Variants in CUZD1 observed in about 807,000 individuals in gnomAD.
CUZD1 encodes the protein CUB and zona pellucida like domains 1, also known as CUB and zona pellucida-like domain-containing protein 1.
Under a neutral mutation model 53.1 loss-of-function variants are expected in CUZD1, and 42 were observed. The ratio of observed to expected loss-of-function variants is 0.79; its 90% confidence interval spans 0.62 to 1.02. The LOEUF (loss-of-function observed/expected upper bound fraction) is 1.02. Ranked by LOEUF, CUZD1 falls within the 50% of genes least tolerant of loss-of-function variation. The pLI, the probability that CUZD1 is intolerant of heterozygous loss-of-function variation, is 0.00. For missense variants in CUZD1, 670 were observed against 715.7 expected (o/e 0.94, Z 0.73); for synonymous variants, 238 against 257.2 (o/e 0.93, Z 0.71).
chr10:122,843,471 A>G (rs1847376440), intron 1 of CUZD1, among the ~76,000 whole-genome samples: 1 of 152,216 alleles, frequency 6.6e-6, no homozygotes, highest in African/African-American at 2.4e-5. Context: ...TATATTATTT[A>G]GGAAATAACA....
chr10:122,843,163 T>C (rs1847370302), intron 1 of CUZD1, among the ~76,000 whole-genome samples: 1 of 152,234 alleles, frequency 6.6e-6, no homozygotes, highest in African/African-American at 2.4e-5. Flanking sequence ...GTATACTATA[T>C]TCATCGCAAC....
intron 3 of CUZD1, among the ~76,000 whole-genome samples, chr10:122,838,714 T>C (rs1370322201): frequency 6.6e-6 from 1 of 152,140 alleles, no homozygotes; most frequent in African/African-American, 2.4e-5. Context: ...TACCCCTCAA[T>C]ATGTAGCCAT....
rs992572658 is a variant in CUZD1, at chr10:122,834,878, A to G, written c.1210T>C (p.Ser404Pro). The change falls in exon 7 of 9, where the codon TCA becomes CCA. Residue 404 changes from serine (S) to proline (P), a missense_variant. By Grantham distance (74) the Ser-to-Pro change is moderately conservative (BLOSUM62 -1). Coordinates refer to ENST00000392790, the MANE Select transcript of CUZD1 (RefSeq NM_022034.6). ...NTSMALFESN[S>P]FEKTILESPY... ...GATTCAAGTATAGTCTTTTCAAATG[A>G]ATTGGATTCAAAAAGAGCCATGCTG... The G allele has an allele frequency of 2.8e-5, 45 of 1,613,588 alleles. No individual in the cohort carries two copies. Among genetic ancestry groups the G allele is most frequent in the Non-Finnish European group, 3.5e-5 (41 of 1,179,758 alleles).
At chr10:122,837,756 T>C (rs373707031) in intron 3 of CUZD1, 1 of 471,128 alleles carries the variant, frequency 2.1e-6, no homozygotes, top group Non-Finnish European at 3.7e-6. Context: ...GGAATCTTTA[T>C]ACTATTGCCA....
intron 7 of CUZD1, 85 bp from the exon 8 acceptor site, chr10:122,834,025 G>A (rs553516556): frequency 8.2e-7 from 1 of 1,214,350 alleles, no homozygotes; most frequent in African/African-American, 1.5e-5. Context: ...CAACTAAGTT[G>A]TGAATCCAAA....
rs1373691381 is a variant in CUZD1 at position 122,839,149 on chromosome 10, C to A, written c.316G>T (p.Val106Phe). The change falls in exon 3 of 9, where the codon GTC becomes TTC. Residue 106 changes from valine (V) to phenylalanine (F), a missense_variant. Coordinates refer to ENST00000392790, the MANE Select transcript of CUZD1 (RefSeq NM_022034.6). The stretch of plus-strand genomic sequence containing the variant: ...GGAACATAGTCGTTTTTACTGCAGA[C>A]TTGCCCTAGCAGAGGCCCATTGCTG... ...TSSNGPLLGQ[V>F]CSKNDYVPVF... 5 of 1,614,126 alleles carry A rather than the reference C, an allele frequency of 3.1e-6. No homozygotes were observed. In the South Asian group the frequency reaches 5.5e-5, roughly 18 times the overall value.
At chr10:122,833,628 G>A (rs1418101465) in intron 8 of CUZD1, 44 bp downstream of exon 8, 2 of 1,580,584 alleles carry the variant, frequency 1.3e-6, no homozygotes, top group Non-Finnish European at 1.7e-6. Flanking sequence ...AGCATTTTAT[G>A]AGCCATGATG....
At chr10:122,844,812 T>C (rs1358851813) in intron 1 of CUZD1, among the ~76,000 whole-genome samples, 2 of 152,198 alleles carry the variant, frequency 1.3e-5, no homozygotes, top group East Asian at 3.9e-4. Context: ...TTTTGACTAA[T>C]GGTCAAAAAC....
chr10:122,836,648 A>G (rs966500194), intron 5 of CUZD1, among the ~76,000 whole-genome samples, 183 bp downstream of exon 5: 1 of 152,186 alleles, frequency 6.6e-6, no homozygotes, highest in Non-Finnish European at 1.5e-5. Flanking sequence ...AAAATCATTA[A>G]TTTCCTCTTG....
Position 122,833,960 on chromosome 10 carries a change from C to G in CUZD1, c.1383-20G>C, listed in dbSNP as rs760335703. ...CTACATCTGGAACAGAATTTATGAA[C>G]ATGTTTAGAAGATACAGACAAATTC... On this transcript the variant is annotated intron_variant, in intron 7 of 8. Transcript: ENST00000392790. 1 of 1,604,346 alleles carries G rather than the reference C, an allele frequency of 6.2e-7. No homozygotes were observed. The highest frequency in any genetic ancestry group is 8.5e-7 in the Non-Finnish European group (1 of 1,174,972).
chr10:122,844,677 G>A (rs1376961436), intron 1 of CUZD1, among the ~76,000 whole-genome samples: 1 of 152,034 alleles, frequency 6.6e-6, no homozygotes, highest in Non-Finnish European at 1.5e-5. Context: ...AGACCAGCCT[G>A]GGCAACATAG....
chr10:122,842,254 A>G (rs949370334), intron 1 of CUZD1, among the ~76,000 whole-genome samples: 1 of 152,170 alleles, frequency 6.6e-6, no homozygotes, highest in Non-Finnish European at 1.5e-5. Flanking sequence ...ATAGTTTTAC[A>G]TTTTACATTT....
In CUZD1 at chr10:122,834,832, T is replaced by C; in HGVS notation, c.1256A>G (p.Asn419Ser). ...ACTAACTTGAACAAAAAGAGTTTGG[T>C]TCAAATCCACATAATATGGTGATTC... ...ILESPYYVDL[N>S]QTLFVQVSLH... is the part of the protein sequence containing the mutation. The change falls in exon 7 of 9, where the codon AAC (asparagine) becomes AGC (serine). Residue 419 changes from asparagine to serine, a missense_variant. Asn to Ser is a conservative substitution (Grantham distance 46). Coordinates refer to ENST00000392790, the MANE Select transcript of CUZD1 (RefSeq NM_022034.6). The C allele has an allele frequency of 1.9e-6, 3 of 1,613,846 alleles. No individual in the cohort carries two copies. Among genetic ancestry groups the C allele is most frequent in the Non-Finnish European group, 2.5e-6 (3 of 1,179,810 alleles).
chr10:122,840,861 G>A (rs542426727), intron 2 of CUZD1, among the ~76,000 whole-genome samples: 4 of 152,250 alleles, frequency 2.6e-5, no homozygotes, highest in African/African-American at 9.6e-5. Flanking sequence ...CCAAGAAACT[G>A]GAACTAGACC....
chr10:122,839,966 T>G (rs1398596771), intron 2 of CUZD1, among the ~76,000 whole-genome samples: 2 of 152,192 alleles, frequency 1.3e-5, no homozygotes, highest in East Asian at 3.8e-4. Context: ...ACAGCCTACT[T>G]CTCATTACTG....
In CUZD1 at chr10:122,832,306, T is replaced by C; in HGVS notation, c.1796A>G (p.Tyr599Cys). Residue 599 changes from tyrosine (Y) to cysteine (C), a missense_variant, in exon 9 of 9, where the codon TAC (tyrosine) becomes TGC (cysteine). By Grantham distance (194) the Tyr-to-Cys change is radical (BLOSUM62 -2). Coordinates refer to ENST00000392790, the MANE Select transcript of CUZD1 (RefSeq NM_022034.6). ...VRHFVNQRAD[Y>C]KYQKLQNY ...ATAGTTCTGCAGCTTCTGGTATTTGTAGTCTGCCCGTTGATTTACAAAATG... is the reference window on the plus strand; with the variant it reads ...ATAGTTCTGCAGCTTCTGGTATTTGCAGTCTGCCCGTTGATTTACAAAATG... The C allele has an allele frequency of 6.2e-7, 1 of 1,614,130 alleles. No individual in the cohort carries two copies. Among genetic ancestry groups the C allele is most frequent in the Non-Finnish European group, 8.5e-7 (1 of 1,179,970 alleles).
Position 122,839,235 on chromosome 10 carries a change from T to TG in CUZD1, c.234-5dup. The stretch of plus-strand genomic sequence containing the variant: ...ACAGCTTCCATCTGGATCAAGCCTG[T>TG]GGAAAAAACACAACTGTGGCTGAAG... On this transcript the variant is annotated splice_polypyrimidine_tract_variant and splice_region_variant and intron_variant, in intron 2 of 8. Coordinates refer to ENST00000392790, the MANE Select transcript of CUZD1 (RefSeq NM_022034.6). 6.2e-7 allele frequency: 1 copy of TG among 1,613,254 alleles called. No homozygotes were observed. Among genetic ancestry groups the TG allele is most frequent in the Non-Finnish European group, 8.5e-7 (1 of 1,179,526 alleles).
At position 122,832,347 on chromosome 10, in the gene CUZD1, C is replaced by T. The variant is rs774402353; in HGVS notation, c.1755G>A (p.Ala585=). 28 of 1,613,920 alleles carry T rather than the reference C, an allele frequency of 1.7e-5. No homozygotes were observed. The highest frequency in any genetic ancestry group is 5.0e-5 in the Admixed American group (3 of 60,000). ...TTACAAAATGCCTCACTGTGATTGT[C>T]GCTACAGTCACCACATTCAGAGCTA... ...MVLALNVVTV[A]TITVRHFVNQ... Residue 585 remains alanine (A), a synonymous_variant, in exon 9 of 9, where the codon GCG becomes GCA. Coordinates refer to ENST00000392790, the MANE Select transcript of CUZD1 (RefSeq NM_022034.6).
chr10:122,835,398 C>A (rs1217795560), intron 6 of CUZD1, among the ~76,000 whole-genome samples: 2 of 152,082 alleles, frequency 1.3e-5, no homozygotes, highest in African/African-American at 2.4e-5. Context: ...GACATTACAC[C>A]TTACTATATA....
Sources: gnomAD v4.1 joint callset for allele counts (sites outside exome capture counted in the v4.1 genomes callset) on GRCh38, gnomAD v4.1.1 for gene constraint, MANE v1.5 for transcripts, NCBI Gene and HGNC (gene_info 2026-07-23, HGNC 2026-07-21) for gene names.